LINGO2: variants seen among roughly 807,000 people sequenced by gnomAD.
LINGO2 encodes the protein leucine rich repeat and Ig domain containing 2.
In LINGO2, 14 loss-of-function variants were observed where a neutral mutation model predicts 30.6. That is an observed-to-expected ratio of 0.46 (90% confidence interval 0.30 to 0.72). The LOEUF is 0.72. Ranked by LOEUF, LINGO2 falls within the 30% of genes least tolerant of loss-of-function variation. The probability of loss-of-function intolerance (pLI) is 0.07; values close to 1 mark genes in which losing one functional copy is unlikely to be tolerated. For synonymous variants in LINGO2, 317 were observed against 288.5 expected, an observed-to-expected ratio of 1.10 and a Z score of -1.00; for missense variants, 729 against 751.7, an observed-to-expected ratio of 0.97 and a Z score of 0.35.
chr9:28,415,171 A>G (rs1027108201), intron 2 of LINGO2, among the ~76,000 whole-genome samples: 4 of 152,084 alleles, frequency 2.6e-5, no homozygotes, highest in African/African-American at 9.7e-5. Flanking sequence ...ATATTAATCA[A>G]TTCACGTGCT....
At chr9:27,986,491 A>C (rs1007335607) in intron 5 of LINGO2, among the ~76,000 whole-genome samples, 5 of 151,760 alleles carry the variant, frequency 3.3e-5, no homozygotes, top group Non-Finnish European at 7.4e-5. Context: ...ACCATTTAGG[A>C]GTAGGGCCTT....
At chr9:28,818,895 C>T in the LINGO2 span, among the ~76,000 whole-genome samples, 1 of 152,118 alleles carries the variant, frequency 6.6e-6, no homozygotes, top group South Asian at 2.1e-4. Context: ...AACACTCTTA[C>T]TAATTCTGGA....
At chr9:28,729,879 A>G in the LINGO2 span, among the ~76,000 whole-genome samples, 1 of 152,000 alleles carries the variant, frequency 6.6e-6, no homozygotes, top group Non-Finnish European at 1.5e-5. Flanking sequence ...AAACTCTCAC[A>G]AAAGTATACT....
chr9:29,003,444 G>C, the LINGO2 span, among the ~76,000 whole-genome samples: 2 of 151,910 alleles, frequency 1.3e-5, no homozygotes, highest in African/African-American at 4.8e-5. Context: ...AGACAAGAAA[G>C]AGACAAGGAA....
intron 4 of LINGO2, among the ~76,000 whole-genome samples, chr9:28,091,792 A>G (rs1217635494): frequency 3.3e-5 from 5 of 152,200 alleles, no homozygotes; most frequent in African/African-American, 1.2e-4. Flanking sequence ...AATTTTTGCA[A>G]TCTACTCATG....
intron 2 of LINGO2, among the ~76,000 whole-genome samples, chr9:28,419,274 C>A (rs182149009): frequency 6.1e-4 from 93 of 152,144 alleles, no homozygotes; most frequent in Non-Finnish European, 7.4e-5. Context: ...TTGAAAACTT[C>A]TTGAATTTTT....
At chr9:28,470,070 A>G (rs1021723086) in intron 2 of LINGO2, among the ~76,000 whole-genome samples, 7 of 152,208 alleles carry the variant, frequency 4.6e-5, no homozygotes, top group Middle Eastern at 3.2e-3. Context: ...TGTGAAATCA[A>G]TAACATAAAG....
At chr9:28,238,833 T>TAAC (rs749332907) in intron 4 of LINGO2, among the ~76,000 whole-genome samples, 1 of 113,250 alleles carries the variant, frequency 8.8e-6, no homozygotes, top group Non-Finnish European at 1.9e-5. Flanking sequence ...AAATAACAGA[T>TAAC]AAATGAAACA....
intron 2 of LINGO2, among the ~76,000 whole-genome samples, chr9:28,387,166 C>T (rs557591223): frequency 7.8e-4 from 119 of 152,190 alleles, no homozygotes; most frequent in Non-Finnish European, 1.5e-3. Flanking sequence ...GGTTTGTAAA[C>T]ACACCAATCA....
rs150631817 is a variant in LINGO2 at position 28,011,487 on chromosome 9, T to A, written c.-36+868A>T. On this transcript the variant is annotated intron_variant, in intron 5 of 5. Coordinates refer to ENST00000379992, the Ensembl canonical transcript of LINGO2. ...TAACTTTTAAGGACAGTAAGCAATT[T>A]GAATTTATGTGATATAAACCCCTCT... Among the ~76,000 whole-genome samples the A allele has an allele frequency of 1.8e-3, 271 of 152,310 alleles. 1 individual carries two copies. The highest frequency in any genetic ancestry group is 4.2e-3 in the Admixed American group (65 of 15,298).
At chr9:29,165,052 T>C in the LINGO2 span, among the ~76,000 whole-genome samples, 6 of 152,116 alleles carry the variant, frequency 3.9e-5, no homozygotes, top group African/African-American at 1.4e-4. Flanking sequence ...GTTATTACTA[T>C]TACAGCAATG....
At chr9:28,234,647 C>T (rs893772741) in intron 4 of LINGO2, among the ~76,000 whole-genome samples, 5 of 152,036 alleles carry the variant, frequency 3.3e-5, no homozygotes, top group South Asian at 2.1e-4. Flanking sequence ...TTCCTGCCCT[C>T]GAACATCAGA....
intron 3 of LINGO2, among the ~76,000 whole-genome samples, chr9:28,299,482 G>A (rs1824054987): frequency 6.6e-6 from 1 of 151,678 alleles, no homozygotes; most frequent in Non-Finnish European, 1.5e-5. Context: ...CTGATGAAAA[G>A]GTCAGAAAGT....
chr9:28,282,691 T>G (rs570736355), intron 4 of LINGO2, among the ~76,000 whole-genome samples: 8 of 152,122 alleles, frequency 5.3e-5, no homozygotes, highest in Non-Finnish European at 1.0e-4. Context: ...GCCCTGGAGA[T>G]GTTCAGGAAT....
At chr9:29,133,548 T>C in the LINGO2 span, among the ~76,000 whole-genome samples, 2 of 152,156 alleles carry the variant, frequency 1.3e-5, no homozygotes, top group African/African-American at 4.8e-5. Context: ...AACTTGGTAT[T>C]ATGGTCAGGA....
At chr9:28,907,138 C>G in the LINGO2 span, among the ~76,000 whole-genome samples, 1 of 151,788 alleles carries the variant, frequency 6.6e-6, no homozygotes, top group Non-Finnish European at 1.5e-5. Flanking sequence ...TTTCTATGAT[C>G]TGTATATCAT....
At chr9:28,950,478 T>C in the LINGO2 span, among the ~76,000 whole-genome samples, 7 of 152,248 alleles carry the variant, frequency 4.6e-5, no homozygotes, top group East Asian at 5.8e-4. Context: ...AATGACATGA[T>C]TGCATATTTA....
intron 4 of LINGO2, among the ~76,000 whole-genome samples, chr9:28,200,271 T>C (rs778356589): frequency 8.5e-5 from 13 of 152,168 alleles, no homozygotes; most frequent in Non-Finnish European, 1.6e-4. Flanking sequence ...AAAGATAGTG[T>C]TGGTGTCTAG....
At chr9:28,534,434 C>A (rs1296799633) in intron 1 of LINGO2, among the ~76,000 whole-genome samples, 1 of 152,194 alleles carries the variant, frequency 6.6e-6, no homozygotes, top group Non-Finnish European at 1.5e-5. Flanking sequence ...CCCAGGAGTA[C>A]ATTTGGATCC....
Sources: allele counts gnomAD v4.1 joint callset (sites outside exome capture counted in the v4.1 genomes callset), GRCh38; gene constraint gnomAD v4.1.1; transcripts MANE v1.5; gene names NCBI Gene and HGNC (gene_info 2026-07-23, HGNC 2026-07-21).